Variants in PRR5 observed in about 807,000 individuals in gnomAD.
PRR5 encodes the protein proline rich 5, also known as proline-rich protein 5.
In PRR5, 25 loss-of-function variants were observed where a neutral mutation model predicts 30.6. The ratio of observed to expected loss-of-function variants is 0.82; its 90% CI spans 0.60 to 1.14. The LOEUF is 1.14. Among genes scored for constraint, PRR5 ranks in the 50% most tolerant of loss-of-function variants. The pLI is 0.00. For synonymous variants in PRR5, 286 were observed against 247.1 expected, an observed-to-expected ratio of 1.16 and a Z score of -1.48; for missense variants, 600 against 547.1, an observed-to-expected ratio of 1.10 and a Z score of -0.96.
chr22:44,679,264 T>G (rs1033001535), intron 1 of PRR5: 1 of 152,568 alleles, frequency 6.6e-6, no homozygotes, highest in South Asian at 2.1e-4. Flanking sequence ...AAGACCTAAA[T>G]GAAATGTACC....
chr22:44,711,526 C>T (rs995984926), intron 1 of PRR5, among the ~76,000 whole-genome samples: 9 of 152,030 alleles, frequency 5.9e-5, no homozygotes, highest in Non-Finnish European at 2.9e-5. Flanking sequence ...GGCTGGAGTT[C>T]CCCAGGGGAG....
upstream of PRR5, among the ~76,000 whole-genome samples, chr22:44,701,734 G>A (rs756402346): frequency 8.9e-4 from 135 of 152,342 alleles, no homozygotes; most frequent in Admixed American, 2.2e-3. Flanking sequence ...GTGGGTTCTT[G>A]GGCCAAGGTG....
upstream of PRR5, among the ~76,000 whole-genome samples, chr22:44,672,349 T>C (rs986270082): frequency 7.9e-5 from 12 of 151,788 alleles, no homozygotes; most frequent in Non-Finnish European, 1.5e-5. Context: ...GTTTGGGAGG[T>C]TGAGGCAGGT....
intron 1 of PRR5, among the ~76,000 whole-genome samples, chr22:44,709,362 C>T (rs1927783184): frequency 6.6e-6 from 1 of 152,040 alleles, no homozygotes; most frequent in Non-Finnish European, 1.5e-5. Flanking sequence ...GTAAAAGGGA[C>T]AGAGATGCAG....
chr22:44,714,788 A>G (rs1412425401), intron 2 of PRR5, 117 bp downstream of exon 2: 4 of 1,345,450 alleles, frequency 3.0e-6, no homozygotes, highest in Non-Finnish European at 4.1e-6. Context: ...TTCCTCCCCT[A>G]GAGGCCATCT....
chr22:44,700,332 G>A (rs1926139645), upstream of PRR5, among the ~76,000 whole-genome samples: 1 of 152,172 alleles, frequency 6.6e-6, no homozygotes, highest in Non-Finnish European at 1.5e-5. Flanking sequence ...AGGCGTGGTG[G>A]TAGGTGCCTA....
Position 44,702,606 on chromosome 22 carries a change from C to T in PRR5, c.132C>T (p.Asn44=). 7.4e-7 allele frequency: 1 copy of T among 1,346,998 alleles called. No homozygotes were observed. Among genetic ancestry groups the T allele is most frequent in the Non-Finnish European group, 9.5e-7 (1 of 1,047,552 alleles). 83.4% of individuals were successfully genotyped at this position (1,346,998 alleles called of 1,614,324 possible). A position where few individuals can be genotyped will look rare whatever the true frequency, so the allele number is the denominator to read the frequency against. Residue 44 remains asparagine, a splice_region_variant and synonymous_variant, in exon 1 of 8, where the codon AAC becomes AAT. Transcript: ENST00000336985. ...GGGCCTGCGCCAACGCCACCTGGAA[C>T]AGGTAAGGCCGCGCCCTCCCGGCCA... ...QRRACANATW[N]SIHNGVIAVF...
chr22:44,680,010 G>C, intron 1 of PRR5: 2 of 834,108 alleles, frequency 2.4e-6, no homozygotes, highest in Non-Finnish European at 3.8e-6. Flanking sequence ...ATGAGGGCTG[G>C]ACCTCAGCCT....
chr22:44,730,514 G>T, intron 4 of PRR5: 2 of 989,964 alleles, frequency 2.0e-6, no homozygotes, highest in Non-Finnish European at 2.4e-6. Context: ...CGTCCCACAA[G>T]GGTCACTCAC....
upstream of PRR5, among the ~76,000 whole-genome samples, chr22:44,674,496 G>A (rs948952016): frequency 1.3e-5 from 2 of 152,060 alleles, no homozygotes; most frequent in Non-Finnish European, 2.9e-5. Context: ...GCTGAGGCGG[G>A]CGGATCACGA....
chr22:44,673,867 C>G (rs1403945223), upstream of PRR5, among the ~76,000 whole-genome samples: 1 of 152,180 alleles, frequency 6.6e-6, no homozygotes, highest in Non-Finnish European at 1.5e-5. Flanking sequence ...CAGGCCAAAC[C>G]TGAGGCTGAG....
chr22:44,696,503 C>A (rs1925756976), intron 1 of PRR5, among the ~76,000 whole-genome samples: 1 of 152,090 alleles, frequency 6.6e-6, no homozygotes, highest in Non-Finnish European at 1.5e-5. Flanking sequence ...TGTATTAAGA[C>A]CAGGGACCTG....
chr22:44,736,932 G>C lies in PRR5; in HGVS notation c.852G>C (p.Ser284=). Residue 284 remains serine, a synonymous_variant, in exon 8 of 8, where the codon TCG becomes TCC. Coordinates refer to ENST00000336985, the MANE Select transcript of PRR5 (RefSeq NM_181333.4). ...GGTSIRRHSV[S]EMTSCPEPQG... is the part of the protein sequence containing the mutation. Reference sequence around the variant, plus strand: ...CCAGCATCCGCAGGCACTCTGTGTCGGAGATGACGTCCTGCCCCGAGCCTC... The same window carrying C: ...CCAGCATCCGCAGGCACTCTGTGTCCGAGATGACGTCCTGCCCCGAGCCTC... The C allele has an allele frequency of 6.2e-7, 1 of 1,607,224 alleles. No homozygotes were observed. The highest frequency in any genetic ancestry group is 2.2e-5 in the East Asian group (1 of 44,784).
At chr22:44,722,669 T>TA (rs1377970657) in intron 2 of PRR5, among the ~76,000 whole-genome samples, 1 of 152,168 alleles carries the variant, frequency 6.6e-6, no homozygotes, top group Non-Finnish European at 1.5e-5. Flanking sequence ...AGTCACTGTG[T>TA]TTGGGGGGAT....
chr22:44,727,429 A>G (rs1354743502), intron 4 of PRR5, among the ~76,000 whole-genome samples: 3 of 152,130 alleles, frequency 2.0e-5, no homozygotes, highest in African/African-American at 7.2e-5. Context: ...TGTGTTGAGC[A>G]CCTGTGCACT....
intron 1 of PRR5, among the ~76,000 whole-genome samples, chr22:44,694,149 G>T (rs990744920): frequency 2.0e-5 from 3 of 152,224 alleles, no homozygotes; most frequent in Non-Finnish European, 4.4e-5. Context: ...GCACGTCATT[G>T]TCAGAACAGG....
chr22:44,695,085 C>T (rs754984321), intron 1 of PRR5, among the ~76,000 whole-genome samples: 7 of 152,098 alleles, frequency 4.6e-5, no homozygotes, highest in Admixed American at 1.3e-4. Flanking sequence ...GCAAGAGAAT[C>T]GCTTGAACCC....
rs191418103 is a variant in PRR5 at position 44,691,151 on chromosome 22, A to G, written c.-10-11341A>G. Reference sequence around the variant, plus strand: ...GCAGGCTGTGGGCAGGGGCTGAGAAAGAGGGCAGAGGAACGGTGAGCCCAG... The same window carrying G: ...GCAGGCTGTGGGCAGGGGCTGAGAAGGAGGGCAGAGGAACGGTGAGCCCAG... On this transcript the variant is annotated intron_variant, in intron 1 of 8. Coordinates refer to the PRR5 transcript ENST00000006251. This position sits in a 1 kb window ranked among gnomAD's most constrained non-coding sequence, Gnocchi z 4.4. Among the ~76,000 whole-genome samples the G allele has an allele frequency of 3.4e-4, 52 of 152,170 alleles. 1 individual carries two copies. The East Asian group carries it at 4.3e-3, about 12-fold the overall frequency.
In PRR5 at chr22:44,691,975, C is replaced by T. The variant is rs946393696; in HGVS notation, c.-10-10517C>T. Among the ~76,000 whole-genome samples the T allele has an allele frequency of 6.6e-6, 1 of 152,102 alleles. No homozygotes were observed. The highest frequency in any genetic ancestry group is 2.1e-4 in the South Asian group (1 of 4,830). On this transcript the variant is annotated intron_variant, in intron 1 of 8. Transcript: ENST00000006251. This position sits in a 1 kb window ranked among gnomAD's most constrained non-coding sequence, Gnocchi z 4.4. ...TGGGCTCAATTGATGCCATCAGGAA[C>T]GCGGGCCAAGTTTTGATGGGCTGTT...
Sources: gnomAD v4.1 joint callset for allele counts (sites outside exome capture counted in the v4.1 genomes callset) on GRCh38, gnomAD v4.1.1 for gene constraint, Gnocchi (gnomAD v3.1) non-coding constraint, MANE v1.5 for transcripts, NCBI Gene and HGNC (gene_info 2026-07-23, HGNC 2026-07-21) for gene names.